COQ8B: variants seen among roughly 807,000 people sequenced by gnomAD.
The protein encoded by COQ8B is atypical kinase COQ8B, mitochondrial.
In COQ8B, 44 loss-of-function variants were observed where a neutral mutation model predicts 62.0. The observed-to-expected ratio is 0.71, with a 90% CI of 0.56 to 0.91. The LOEUF (loss-of-function observed/expected upper bound fraction) is 0.91. Ranked by LOEUF, COQ8B falls within the 40% of genes least tolerant of loss-of-function variation. The pLI is 0.00. For synonymous variants in COQ8B, 252 were observed against 289.9 expected (o/e 0.87, Z 1.33); for missense variants, 649 against 731.6 (o/e 0.89, Z 1.30).
chr19:40,695,701 C>A (rs146103260), intron 13 of COQ8B, among the ~76,000 whole-genome samples: 1 of 152,120 alleles, frequency 6.6e-6, no homozygotes, highest in Non-Finnish European at 1.5e-5. Context: ...ATCTTGGGCA[C>A]GTGACTTAAC....
rs2081978245 is a variant in COQ8B at position 40,692,324 on chromosome 19, A to C, written c.1346T>G (p.Phe449Cys). Residue 449 changes from phenylalanine (F) to cysteine (C), a missense_variant, in exon 15 of 15, where the codon TTC becomes TGC. Physicochemically the swap from Phe to Cys is radical, Grantham distance 205. Coordinates refer to ENST00000324464, the MANE Select transcript of COQ8B (RefSeq NM_024876.4). ...AAAGTCATAAGGGCCCTGGGTGGCG[A>C]AAGGCTCCCCCAGGATCATCACTGC... ...VEAVMILGEP[F>C]ATQGPYDFGS... 1 of 1,613,598 alleles carries C rather than the reference A, an allele frequency of 6.2e-7. No individual in the cohort carries two copies. The highest frequency in any genetic ancestry group is 8.5e-7 in the Non-Finnish European group (1 of 1,179,850).
chr19:40,702,825 C>T, intron 9 of COQ8B, 132 bp from the exon 10 acceptor site: 1 of 778,390 alleles, frequency 1.3e-6, no homozygotes, highest in Non-Finnish European at 2.2e-6. Flanking sequence ...TGACCCACAT[C>T]TGTCCCTCTC....
chr19:40,711,607 C>A (rs1378997415), intron 4 of COQ8B, among the ~76,000 whole-genome samples: 1 of 152,096 alleles, frequency 6.6e-6, no homozygotes, highest in Admixed American at 6.6e-5. Context: ...CTCTCTTTTC[C>A]TCCCTTTGAT....
Position 40,700,130 on chromosome 19 carries a change from C to T in COQ8B, c.1080G>A (p.Glu360=), listed in dbSNP as rs1555756422. ...TGGGGTCAGTCTGCATGAATCGGAA[C>T]TCAAACAGCTCCCGCAGACACAGCG... ...LLTLCLRELF[E]FRFMQTDPNW... The change falls in exon 12 of 15, where the codon GAG becomes GAA. Residue 360 remains glutamate, a synonymous_variant. Transcript: ENST00000324464. The T allele has an allele frequency of 1.2e-6, 2 of 1,614,240 alleles. No homozygotes were observed. Among genetic ancestry groups the T allele is most frequent in the Non-Finnish European group, 1.7e-6 (2 of 1,180,046 alleles).
At chr19:40,699,796 G>A (rs2082047356) in intron 12 of COQ8B, among the ~76,000 whole-genome samples, 1 of 152,174 alleles carries the variant, frequency 6.6e-6, no homozygotes, top group Non-Finnish European at 1.5e-5. Context: ...TTTAGCCTGG[G>A]CATTACTTTT....
At chr19:40,700,601 G>A (rs2082053842) in intron 10 of COQ8B, 150 bp from the exon 11 acceptor site, 1 of 960,976 alleles carries the variant, frequency 1.0e-6, no homozygotes, top group Non-Finnish European at 1.5e-6. Context: ...TCTGCCCTGG[G>A]TGATGACCAA....
At chr19:40,709,610 C>T (rs1044177844) in intron 5 of COQ8B, among the ~76,000 whole-genome samples, 1 of 152,124 alleles carries the variant, frequency 6.6e-6, no homozygotes, top group Non-Finnish European at 1.5e-5. Flanking sequence ...CTTTGGGAGG[C>T]CAAGGCGGGT....
At chr19:40,705,202 G>A (rs759562049) in intron 6 of COQ8B, 21 bp from the exon 7 acceptor site, 3 of 1,611,218 alleles carry the variant, frequency 1.9e-6, no homozygotes, top group East Asian at 2.2e-5. Context: ...AGTGGAACCA[G>A]GGGGGAAGTA....
intron 12 of COQ8B, among the ~76,000 whole-genome samples, chr19:40,697,876 A>AGAGAGAGAGAGAGAGAGAGAGAGAGAGT (rs1316282364): frequency 6.0e-4 from 43 of 71,174 alleles, no homozygotes; most frequent in Non-Finnish European, 8.5e-4. Context: ...AGAGAGAGAG[A>AGAGAGAGAGAGAGAGAGAGAGAGAGAGT]GTTTCTACTG....
intron 4 of COQ8B, among the ~76,000 whole-genome samples, chr19:40,712,655 T>C (rs1019638915): frequency 6.6e-6 from 1 of 152,148 alleles, no homozygotes; most frequent in Non-Finnish European, 1.5e-5. Flanking sequence ...TTATAACCAG[T>C]GCAGACCAAG....
intron 12 of COQ8B, among the ~76,000 whole-genome samples, chr19:40,699,184 G>A (rs1279852079): frequency 6.6e-6 from 1 of 151,476 alleles, no homozygotes; most frequent in East Asian, 1.9e-4. Context: ...TTGGAGTGCA[G>A]TGGCATGATC....
intron 12 of COQ8B, among the ~76,000 whole-genome samples, chr19:40,696,940 A>C (rs1043112445): frequency 2.6e-5 from 4 of 152,130 alleles, no homozygotes; most frequent in Non-Finnish European, 5.9e-5. Flanking sequence ...TTTGCGATTT[A>C]TCCCTGTTGC....
Position 40,700,082 on chromosome 19 carries a change from A to C in COQ8B, c.1128T>G (p.Asp376Glu). The change falls in exon 12 of 15, where the codon GAT becomes GAG. Residue 376 changes from aspartate to glutamate, a missense_variant. Asp to Glu is a conservative substitution (Grantham distance 45). Coordinates refer to ENST00000324464, the MANE Select transcript of COQ8B (RefSeq NM_024876.4). ...TDPNWANFLYDASSHQVTLLD... is the reference protein window; with the variant it reads ...TDPNWANFLYEASSHQVTLLD... ...AGGAACCAACCTGGTGGCTGGAGGC[A>C]TCATACAGGAAGTTGGCCCAGTTGG... 6.2e-7 allele frequency: 1 copy of C among 1,614,238 alleles called. No individual in the cohort carries two copies. Among genetic ancestry groups the C allele is most frequent in the South Asian group, 1.1e-5 (1 of 91,088 alleles).
chr19:40,692,075 C>A lies in COQ8B; in HGVS notation c.1595G>T (p.Ser532Ile), dbSNP rs1435069201. ...CCAGGAGTCCCCTTTGGTGGGGAGG[C>A]TGCCGGCAGTGGCTGCGTCTGGCTG... The part of the protein sequence containing the change: ...SRQPDAATAG[S>I]LPTKGDSWVD... Residue 532 changes from serine to isoleucine, a missense_variant, in exon 15 of 15, where the codon AGC becomes ATC. Transcript: ENST00000324464. The A allele has an allele frequency of 3.7e-6, 6 of 1,608,444 alleles. No homozygotes were observed. Among genetic ancestry groups the A allele is most frequent in the Middle Eastern group, 1.7e-4 (1 of 5,924 alleles).
chr19:40,702,994 G>T (rs111445038), intron 9 of COQ8B, among the ~76,000 whole-genome samples: 11 of 151,932 alleles, frequency 7.2e-5, no homozygotes, highest in Non-Finnish European at 4.4e-5. Context: ...AGGGTTCCCC[G>T]GGGTCTTCCG....
chr19:40,712,917 A>G (rs1039263711), intron 4 of COQ8B, among the ~76,000 whole-genome samples: 12 of 152,220 alleles, frequency 7.9e-5, no homozygotes, highest in African/African-American at 2.9e-4. Flanking sequence ...ACAGGTTCTC[A>G]GTAAATGTTA....
intron 13 of COQ8B, among the ~76,000 whole-genome samples, chr19:40,695,677 C>T (rs1020373619): frequency 1.6e-4 from 24 of 152,102 alleles, no homozygotes; most frequent in Non-Finnish European, 2.6e-4. Flanking sequence ...AATTTGAATC[C>T]CAAGTCTGCT....
chr19:40,714,918 C>T, intron 1 of COQ8B: 2 of 1,213,336 alleles, frequency 1.6e-6, no homozygotes, highest in Non-Finnish European at 2.1e-6. Context: ...GCTACCTCTC[C>T]ACTTCTCTGA....
chr19:40,714,797 G>A (rs1428526898), intron 1 of COQ8B, 162 bp from the exon 2 acceptor site: 1 of 1,341,884 alleles, frequency 7.5e-7, no homozygotes, highest in African/African-American at 1.5e-5. Flanking sequence ...CTGGTTGCTA[G>A]GAACCCTTAG....
Sources: gnomAD v4.1 joint callset for allele counts (sites outside exome capture counted in the v4.1 genomes callset) on GRCh38, gnomAD v4.1.1 for gene constraint, MANE v1.5 for transcripts, NCBI Gene and HGNC (gene_info 2026-07-23, HGNC 2026-07-21) for gene names.